PLCB4: variants seen among roughly 807,000 people sequenced by gnomAD.
PLCB4 encodes the protein phospholipase C beta 4, also known as 1-phosphatidylinositol 4,5-bisphosphate phosphodiesterase beta-4.
In PLCB4, 77 loss-of-function variants were observed where a neutral mutation model predicts 178.8. The observed-to-expected ratio is 0.43, with a 90% CI of 0.36 to 0.52. PLCB4 has a LOEUF of 0.52. Ranked by LOEUF, PLCB4 falls within the 20% of genes least tolerant of loss-of-function variation. The probability of loss-of-function intolerance (pLI) is 0.00; values close to 1 mark genes in which losing one functional copy is unlikely to be tolerated. For synonymous variants in PLCB4, 496 were observed against 490.8 expected, an observed-to-expected ratio of 1.01 and a Z score of -0.14; for missense variants, 1,024 against 1,453.4, an observed-to-expected ratio of 0.70 and a Z score of 4.80.
At chr20:9,448,854 G>T (rs1337334358) in intron 32 of PLCB4, among the ~76,000 whole-genome samples, 2 of 152,086 alleles carry the variant, frequency 1.3e-5, no homozygotes, top group African/African-American at 4.8e-5. Flanking sequence ...AAACTTGCAG[G>T]TTAGCTACCA....
At chr20:9,275,058 T>C (rs2094439133) in intron 3 of PLCB4, among the ~76,000 whole-genome samples, 1 of 152,018 alleles carries the variant, frequency 6.6e-6, no homozygotes, top group Non-Finnish European at 1.5e-5. Flanking sequence ...ATATGAACAA[T>C]GATTTATGAT....
chr20:9,289,757 G>C (rs1464892923), intron 3 of PLCB4, among the ~76,000 whole-genome samples: 1 of 152,032 alleles, frequency 6.6e-6, no homozygotes, highest in Non-Finnish European at 1.5e-5. Flanking sequence ...CAAAAGGTTT[G>C]TTAAGTTCTA....
At position 9,256,813 on chromosome 20, in the gene PLCB4, T is replaced by C. The variant is rs1374372831; in HGVS notation, c.-16+39361T>C. 9.2e-5 allele frequency among the ~76,000 whole-genome samples: 14 copies of C among 152,252 alleles called. 1 individual carries two copies. Among genetic ancestry groups the C allele is most frequent in the Non-Finnish European group, 1.9e-4 (13 of 68,042 alleles). ...GCATATATAATTACTTGAGAATGGTTTTCTTCAGAAATACATTTTCCTATT... is the reference window on the plus strand; with the variant it reads ...GCATATATAATTACTTGAGAATGGTCTTCTTCAGAAATACATTTTCCTATT... On this transcript the variant is annotated intron_variant, in intron 3 of 39. Coordinates refer to ENST00000378473, the MANE Select transcript of PLCB4 (RefSeq NM_001377142.1).
chr20:9,452,797 G>A (rs890744739), intron 32 of PLCB4, among the ~76,000 whole-genome samples: 2 of 152,154 alleles, frequency 1.3e-5, no homozygotes, highest in Non-Finnish European at 2.9e-5. Context: ...AAGTGATGTA[G>A]ATTCAAATTC....
At position 9,346,257 on chromosome 20, in the gene PLCB4, G is replaced by A. The variant is rs187264882; in HGVS notation, c.369+7220G>A. On this transcript the variant is annotated intron_variant, in intron 7 of 39. Coordinates refer to ENST00000378473, the MANE Select transcript of PLCB4 (RefSeq NM_001377142.1). ...TGAATCAGAAAGCTAGGATTTCAGC[G>A]GCCTTCCAAGTGATTCTTATGCACA... 1.5e-3 allele frequency among the ~76,000 whole-genome samples: 229 copies of A among 152,260 alleles called. 5 individuals carry two copies. In the South Asian group the frequency reaches 0.018, roughly 12 times the overall value.
At chr20:9,163,042 T>A (rs1392500896) in intron 2 of PLCB4, among the ~76,000 whole-genome samples, 1 of 152,178 alleles carries the variant, frequency 6.6e-6, no homozygotes, top group East Asian at 1.9e-4. Context: ...TGGGAATAGA[T>A]GCACACAGTT....
chr20:9,079,632 G>A (rs2090049666), intron 1 of PLCB4, among the ~76,000 whole-genome samples: 1 of 152,168 alleles, frequency 6.6e-6, no homozygotes. Context: ...CCACCCATTT[G>A]CCCTCCAGAA....
At chr20:9,446,446 C>T (rs190017198) in intron 32 of PLCB4, among the ~76,000 whole-genome samples, 38 of 152,308 alleles carry the variant, frequency 2.5e-4, no homozygotes, top group Non-Finnish European at 4.4e-4. Flanking sequence ...GGATGCCCCT[C>T]AATTTTTAGA....
chr20:9,411,456 C>A (rs2148515276), intron 25 of PLCB4, among the ~76,000 whole-genome samples: 1 of 152,266 alleles, frequency 6.6e-6, no homozygotes, highest in South Asian at 2.1e-4. Context: ...TAGGACAAAT[C>A]AAATAATGAA....
intron 2 of PLCB4, among the ~76,000 whole-genome samples, chr20:9,174,455 T>C (rs1016068461): frequency 4.0e-5 from 6 of 151,146 alleles, no homozygotes; most frequent in African/African-American, 1.2e-4. Context: ...TATTCTTCTT[T>C]TTTTTTTTTT....
chr20:9,437,217 T>G, intron 30 of PLCB4, 65 bp downstream of exon 30: 1 of 1,384,244 alleles, frequency 7.2e-7, no homozygotes, highest in Non-Finnish European at 1.0e-6. Flanking sequence ...GTACAATATC[T>G]ATAGCTTTAG....
chr20:9,418,006 G>A (rs1165214387), intron 25 of PLCB4, among the ~76,000 whole-genome samples: 1 of 151,928 alleles, frequency 6.6e-6, no homozygotes, highest in Admixed American at 6.6e-5. Flanking sequence ...ATCTTATTTG[G>A]AGAAATGTCT....
intron 3 of PLCB4, among the ~76,000 whole-genome samples, chr20:9,286,215 T>C (rs1218662762): frequency 6.6e-6 from 1 of 151,998 alleles, no homozygotes; most frequent in African/African-American, 2.4e-5. Flanking sequence ...TACTTTTAAA[T>C]TCTTGGACAT....
At chr20:9,091,281 C>G (rs1212772630) in intron 1 of PLCB4, among the ~76,000 whole-genome samples, 1 of 151,744 alleles carries the variant, frequency 6.6e-6, no homozygotes. Context: ...GTAAAATGAG[C>G]TAGAGAAAGT....
chr20:9,109,203 G>T (rs1333968821), intron 2 of PLCB4, among the ~76,000 whole-genome samples: 1 of 152,164 alleles, frequency 6.6e-6, no homozygotes, highest in African/African-American at 2.4e-5. Flanking sequence ...ATAAAATGGT[G>T]TGGCTATAAG....
chr20:9,145,271 A>G (rs1201824052), intron 2 of PLCB4, among the ~76,000 whole-genome samples: 1 of 152,136 alleles, frequency 6.6e-6, no homozygotes, highest in Non-Finnish European at 1.5e-5. Flanking sequence ...TACATAGCAC[A>G]ATTCTTGGAG....
At chr20:9,317,594 C>T (rs1397365451) in intron 4 of PLCB4, among the ~76,000 whole-genome samples, 8 of 152,062 alleles carry the variant, frequency 5.3e-5, no homozygotes, top group Admixed American at 2.0e-4. Context: ...GCAAGAAGGA[C>T]GTCTTATTCA....
intron 3 of PLCB4, among the ~76,000 whole-genome samples, chr20:9,305,740 C>G (rs374176085): frequency 1.3e-4 from 20 of 152,162 alleles, no homozygotes; most frequent in African/African-American, 4.3e-4. Flanking sequence ...CTACATTTTT[C>G]TCCTAAAAGT....
At chr20:9,221,280 T>A (rs2093795610) in intron 3 of PLCB4, among the ~76,000 whole-genome samples, 1 of 152,170 alleles carries the variant, frequency 6.6e-6, no homozygotes, top group Admixed American at 6.5e-5. Context: ...TTTCCACTCC[T>A]GCATCAGTCA....
Sources: allele counts gnomAD v4.1 joint callset (sites outside exome capture counted in the v4.1 genomes callset), GRCh38; gene constraint gnomAD v4.1.1; transcripts MANE v1.5; gene names NCBI Gene and HGNC (gene_info 2026-07-23, HGNC 2026-07-21).